AUTS2: variants seen among roughly 807,000 people sequenced by gnomAD.
AUTS2 encodes the protein autism susceptibility gene 2 protein.
A neutral mutation model predicts 112.4 loss-of-function variants in AUTS2; 17 were observed. The ratio of observed to expected loss-of-function variants is 0.15; its 90% CI spans 0.10 to 0.23. The LOEUF (loss-of-function observed/expected upper bound fraction) is 0.23, where lower values mean the gene tolerates loss of function less well. Ranked by LOEUF, AUTS2 falls within the 10% of genes least tolerant of loss-of-function variation. The pLI, the probability that AUTS2 is intolerant of heterozygous loss-of-function variation, is 1.00. For synonymous variants in AUTS2, 751 were observed against 702.7 expected, an observed-to-expected ratio of 1.07 and a Z score of -1.09; for missense variants, 1,510 against 1,701.6, an observed-to-expected ratio of 0.89 and a Z score of 1.98.
intron 5 of AUTS2, among the ~76,000 whole-genome samples, chr7:70,496,036 G>A: frequency 1.0e-5 from 1 of 95,686 alleles, no homozygotes; most frequent in Admixed American, 1.4e-4. Flanking sequence ...CCACACACAT[G>A]CACACGTCAC....
intron 5 of AUTS2, among the ~76,000 whole-genome samples, chr7:70,614,396 TTGAAA>T (rs1298750822): frequency 1.3e-5 from 2 of 152,230 alleles, no homozygotes; most frequent in Non-Finnish European, 2.9e-5. Context: ...TCACAGGCCC[TTGAAA>T]TGAAGCAAAG....
chr7:69,911,290 A>G (rs1264182201), intron 2 of AUTS2, among the ~76,000 whole-genome samples: 1 of 152,200 alleles, frequency 6.6e-6, no homozygotes, highest in Non-Finnish European at 1.5e-5. Context: ...GGTGGCACCC[A>G]GAAGCTTGGA....
chr7:70,768,877 C>CTTTTTTTTT (rs66614263), intron 10 of AUTS2, among the ~76,000 whole-genome samples: 3,093 of 107,912 alleles, frequency 0.029, 223 homozygotes, highest in African/African-American at 0.094. Context: ...CCAGTGATTT[C>CTTTTTTTTT]TTTTTTTTTT....
chr7:70,586,312 C>T (rs1176155007), intron 5 of AUTS2, among the ~76,000 whole-genome samples: 3 of 152,142 alleles, frequency 2.0e-5, no homozygotes, highest in Admixed American at 6.5e-5. Context: ...ATATATATTT[C>T]TCCAGCTATA....
At chr7:69,617,932 T>C (rs1337856217) in intron 1 of AUTS2, among the ~76,000 whole-genome samples, 1 of 152,206 alleles carries the variant, frequency 6.6e-6, no homozygotes, top group East Asian at 1.9e-4. Flanking sequence ...GGAATTATTT[T>C]AACCACAATG....
At chr7:70,563,036 G>A (rs79580563) in intron 5 of AUTS2, among the ~76,000 whole-genome samples, 2,290 of 152,204 alleles carry the variant, frequency 0.015, 54 homozygotes, top group African/African-American at 0.052. Context: ...TAGGAAAAGT[G>A]GGCTGAAACT....
intron 1 of AUTS2, among the ~76,000 whole-genome samples, chr7:69,716,230 T>C (rs926511692): frequency 6.6e-6 from 1 of 151,292 alleles, no homozygotes; most frequent in East Asian, 1.9e-4. Context: ...GTGTGTGTGT[T>C]TGTGTGTGTG....
chr7:70,007,030 A>G (rs1317015753), intron 2 of AUTS2, among the ~76,000 whole-genome samples: 3 of 152,152 alleles, frequency 2.0e-5, no homozygotes, highest in Non-Finnish European at 4.4e-5. Flanking sequence ...TGGATATACC[A>G]TCTTTTCACA....
rs927512356 is a variant in AUTS2, at chr7:70,102,746, G to GT, written c.523-15378dup. Reference sequence around the variant, plus strand: ...ATAAAACTAACTTCAGTTGATTATAGTTTTTTTTCCATCATTAATTTAATC... The same window carrying GT: ...ATAAAACTAACTTCAGTTGATTATAGTTTTTTTTTCCATCATTAATTTAATC... On this transcript the variant is annotated intron_variant, in intron 2 of 18. Coordinates refer to ENST00000342771, the MANE Select transcript of AUTS2 (RefSeq NM_015570.4). Among the ~76,000 whole-genome samples, 50 of 151,796 alleles carry GT rather than the reference G, an allele frequency of 3.3e-4. 1 individual carries two copies. The highest frequency in any genetic ancestry group is 1.1e-3 in the African/African-American group (47 of 41,422).
At chr7:70,362,979 A>G (rs1792344067) in intron 4 of AUTS2, among the ~76,000 whole-genome samples, 1 of 152,146 alleles carries the variant, frequency 6.6e-6, no homozygotes, top group African/African-American at 2.4e-5. Context: ...AATGACATCA[A>G]CCCCACTTAG....
chr7:70,694,835 G>C lies in AUTS2; in HGVS notation c.691-3734G>C, dbSNP rs1182021354. 6.6e-6 allele frequency: 1 copy of C among 151,796 alleles called. No homozygotes were observed. Among genetic ancestry groups the C allele is most frequent in the African/African-American group, 2.4e-5 (1 of 41,402 alleles). The allele number at this position is 151,796 out of a possible 1,614,324, so 9.4% of individuals were successfully genotyped here. A position where few individuals can be genotyped will look rare whatever the true frequency, so the allele number is the denominator to read the frequency against. On this transcript the variant is annotated intron_variant, in intron 5 of 18. Coordinates refer to ENST00000342771, the MANE Select transcript of AUTS2 (RefSeq NM_015570.4). The surrounding 1 kb of genome is among the most constrained non-coding windows in gnomAD (Gnocchi z 4.1). ...TCGCCCCGAAGCTGTTGCCCGGTTC[G>C]GATCTGGTTCGGCGCCTCCGCTCTC...
intron 2 of AUTS2, among the ~76,000 whole-genome samples, chr7:69,971,783 A>G (rs1376261663): frequency 2.0e-5 from 3 of 152,160 alleles, no homozygotes; most frequent in Non-Finnish European, 1.5e-5. Context: ...GTTGTATGCT[A>G]TTAGTTTCTG....
chr7:70,410,889 G>A (rs1373593491), intron 4 of AUTS2, among the ~76,000 whole-genome samples: 1 of 150,574 alleles, frequency 6.6e-6, no homozygotes, highest in Non-Finnish European at 1.5e-5. Context: ...TTGAGATGGA[G>A]TTTCACTCTT....
At chr7:70,344,638 T>TAGA (rs1290298603) in intron 4 of AUTS2, among the ~76,000 whole-genome samples, 2 of 152,214 alleles carry the variant, frequency 1.3e-5, no homozygotes, top group African/African-American at 2.4e-5. Context: ...CAACATGGGT[T>TAGA]AGAACCTTTT....
At chr7:69,889,352 A>G (rs1794418378) in intron 1 of AUTS2, among the ~76,000 whole-genome samples, 1 of 152,238 alleles carries the variant, frequency 6.6e-6, no homozygotes, top group African/African-American at 2.4e-5. Context: ...GATACACTGT[A>G]ATAAGTACAT....
chr7:70,729,178 T>G (rs766792818), intron 6 of AUTS2: 3 of 456,490 alleles, frequency 6.6e-6, no homozygotes, highest in Non-Finnish European at 4.4e-6. Context: ...TTTGGAGACC[T>G]GTGCCGGGGG....
intron 5 of AUTS2, among the ~76,000 whole-genome samples, chr7:70,462,945 G>A (rs1383135850): frequency 5.3e-5 from 8 of 150,226 alleles, no homozygotes; most frequent in East Asian, 1.9e-4. Flanking sequence ...GTGACAGAGC[G>A]AGACTCCGTC....
chr7:70,786,920 TG>T (rs775572238), intron 17 of AUTS2: 63 of 479,558 alleles, frequency 1.3e-4, no homozygotes, highest in Non-Finnish European at 2.1e-4. Context: ...CCAGATACGT[TG>T]AATTAGGTCA....
intron 5 of AUTS2, among the ~76,000 whole-genome samples, chr7:70,508,333 G>A (rs1799052132): frequency 6.6e-6 from 1 of 152,196 alleles, no homozygotes; most frequent in African/African-American, 2.4e-5. Context: ...GTGCAGAATA[G>A]TAGCCAGGGA....
Sources: gnomAD v4.1 joint callset for allele counts (sites outside exome capture counted in the v4.1 genomes callset) on GRCh38, gnomAD v4.1.1 for gene constraint, Gnocchi (gnomAD v3.1) non-coding constraint, MANE v1.5 for transcripts, NCBI Gene and HGNC (gene_info 2026-07-23, HGNC 2026-07-21) for gene names.